UPP2: variants seen among roughly 807,000 people sequenced by gnomAD.
UPP2 encodes the protein UPase 2.
UPP2 carries 23 observed loss-of-function variants against 26.7 expected under a neutral mutation model. That is an observed-to-expected ratio of 0.86 (90% CI 0.62 to 1.22). UPP2 has a LOEUF of 1.22. Among genes scored for constraint, UPP2 ranks in the 50% most tolerant of loss-of-function variants. The pLI is 0.00. For synonymous variants in UPP2, 127 were observed against 141.3 expected, an observed-to-expected ratio of 0.90 and a Z score of 0.72; for missense variants, 387 against 396.7, an observed-to-expected ratio of 0.98 and a Z score of 0.21.
intron 2 of UPP2, among the ~76,000 whole-genome samples, chr2:158,109,822 C>T (rs1401137649): frequency 6.6e-6 from 1 of 152,146 alleles, no homozygotes; most frequent in African/African-American, 2.4e-5. Context: ...TAGAAGTTAT[C>T]TATTCAAATT....
intron 3 of UPP2, among the ~76,000 whole-genome samples, chr2:158,083,865 T>TA (rs1553467788): frequency 1.9e-4 from 23 of 118,758 alleles, no homozygotes; most frequent in Admixed American, 1.3e-3. Context: ...TATATATGTT[T>TA]TTTATATATA....
intron 3 of UPP2, among the ~76,000 whole-genome samples, chr2:158,078,618 A>T (rs932467299): frequency 1.3e-5 from 2 of 152,156 alleles, no homozygotes; most frequent in Non-Finnish European, 2.9e-5. Flanking sequence ...GAAGATGGTT[A>T]CCAGAGGCTG....
At chr2:158,115,977 T>A (rs1177585113) in intron 3 of UPP2, among the ~76,000 whole-genome samples, 1 of 152,186 alleles carries the variant, frequency 6.6e-6, no homozygotes, top group African/African-American at 2.4e-5. Flanking sequence ...CAGGCAGGCA[T>A]GCCAGGGGAC....
chr2:158,071,765 G>A (rs1171015841), intron 3 of UPP2, among the ~76,000 whole-genome samples: 1 of 151,898 alleles, frequency 6.6e-6, no homozygotes, highest in East Asian at 1.9e-4. Context: ...ACCAAGTCCT[G>A]GCAGGATTCA....
rs1338984978 is a variant in UPP2, at chr2:158,121,569, C to G, written c.615C>G (p.Asn205Lys). ...ELFNCSKEIP[N>K]FPTLVGHTMC... Reference sequence around the variant, plus strand: ...TCAACTGTAGCAAAGAAATCCCCAACTTCCCAACCCTCGTTGGACATACAA... The same window carrying G: ...TCAACTGTAGCAAAGAAATCCCCAAGTTCCCAACCCTCGTTGGACATACAA... Residue 205 changes from asparagine (N) to lysine (K), a missense_variant, in exon 5 of 7, where the codon AAC (asparagine) becomes AAG (lysine). Physicochemically the swap from Asn to Lys is moderately conservative, Grantham distance 94. Transcript: ENST00000005756. 7 of 1,613,438 alleles carry G rather than the reference C, an allele frequency of 4.3e-6. No individual in the cohort carries two copies. The highest frequency in any genetic ancestry group is 5.9e-6 in the Non-Finnish European group (7 of 1,179,520).
chr2:158,000,242 T>C (rs545816851), intron 2 of UPP2, among the ~76,000 whole-genome samples: 1 of 152,232 alleles, frequency 6.6e-6, no homozygotes, highest in South Asian at 2.1e-4. Flanking sequence ...CTGCTCCTTC[T>C]GAGTGGCTCT....
chr2:158,125,968 TAA>T (rs1211434567), intron 6 of UPP2, among the ~76,000 whole-genome samples: 1 of 152,182 alleles, frequency 6.6e-6, no homozygotes, highest in Non-Finnish European at 1.5e-5. Context: ...ACCACTTTAT[TAA>T]TAGTTAAACA....
At chr2:158,084,142 C>T (rs1311010409) in intron 3 of UPP2, among the ~76,000 whole-genome samples, 2 of 151,950 alleles carry the variant, frequency 1.3e-5, no homozygotes, top group African/African-American at 4.8e-5. Flanking sequence ...TAAAAGTGCT[C>T]CCTTTTCACC....
intron 3 of UPP2, among the ~76,000 whole-genome samples, chr2:158,038,453 G>A (rs1684036183): frequency 6.6e-6 from 1 of 152,186 alleles, no homozygotes; most frequent in African/African-American, 2.4e-5. Context: ...TGTAGCACAT[G>A]TTTGCTAGTG....
intron 3 of UPP2, among the ~76,000 whole-genome samples, chr2:158,056,784 C>T (rs1029438842): frequency 6.6e-6 from 1 of 152,324 alleles, no homozygotes; most frequent in African/African-American, 2.4e-5. Context: ...AGTTACACTG[C>T]AATGACCTTA....
intron 6 of UPP2, among the ~76,000 whole-genome samples, chr2:158,125,651 A>G (rs375362724): frequency 6.6e-6 from 1 of 152,082 alleles, no homozygotes; most frequent in Non-Finnish European, 1.5e-5. Context: ...AACTCCTGAC[A>G]TCAAGTGATC....
rs1318372072 is a variant in UPP2, at chr2:158,120,808, G to A, written c.455-601G>A. 3.3e-5 allele frequency among the ~76,000 whole-genome samples: 5 copies of A among 151,940 alleles called. 1 individual carries two copies. The highest frequency in any genetic ancestry group is 4.8e-5 in the African/African-American group (2 of 41,410). ...CACCTGAAGAGTGACTTGGTGTGTG[G>A]TGAAAAGGTGGGGGGAGGAGGAGAT... is the stretch of plus-strand genomic sequence containing the variant. On this transcript the variant is annotated intron_variant, in intron 4 of 6. Coordinates refer to ENST00000005756, the MANE Select transcript of UPP2 (RefSeq NM_173355.4).
intron 3 of UPP2, among the ~76,000 whole-genome samples, chr2:158,091,566 T>G (rs762126089): frequency 2.0e-5 from 3 of 152,216 alleles, no homozygotes; most frequent in Non-Finnish European, 4.4e-5. Context: ...GCCACAATAA[T>G]GCTATTGCCA....
intron 3 of UPP2, among the ~76,000 whole-genome samples, chr2:158,066,549 C>T (rs774159113): frequency 1.2e-4 from 18 of 151,994 alleles, no homozygotes; most frequent in Middle Eastern, 3.4e-3. Flanking sequence ...GTAGGGCCTA[C>T]ATAGTGATTT....
chr2:158,110,345 T>A (rs530664467), intron 2 of UPP2, among the ~76,000 whole-genome samples: 1 of 152,370 alleles, frequency 6.6e-6, no homozygotes, highest in East Asian at 1.9e-4. Flanking sequence ...TCATCCTTTT[T>A]ATGGCTGCAT....
chr2:158,019,379 G>T (rs559279065), intron 3 of UPP2, among the ~76,000 whole-genome samples: 3 of 152,076 alleles, frequency 2.0e-5, no homozygotes, highest in African/African-American at 7.2e-5. Context: ...AGGACGGAGC[G>T]GGGAGTAGTA....
intron 2 of UPP2, among the ~76,000 whole-genome samples, chr2:158,107,884 T>C (rs1683229028): frequency 6.6e-6 from 1 of 152,124 alleles, no homozygotes; most frequent in Admixed American, 6.6e-5. Context: ...GTCTTCTCAA[T>C]GTAACCTCTT....
At chr2:158,129,497 T>A (rs1683764916) in intron 6 of UPP2, among the ~76,000 whole-genome samples, 2 of 151,832 alleles carry the variant, frequency 1.3e-5, no homozygotes, top group South Asian at 4.2e-4. Context: ...GTCTAGAGAG[T>A]GTAATTGACC....
chr2:158,063,522 C>A (rs1682385026), intron 3 of UPP2, among the ~76,000 whole-genome samples: 1 of 152,192 alleles, frequency 6.6e-6, no homozygotes, highest in Non-Finnish European at 1.5e-5. Flanking sequence ...CCAGCAACAA[C>A]CATCTCTGCC....
Sources: gnomAD v4.1 joint callset for allele counts (sites outside exome capture counted in the v4.1 genomes callset) on GRCh38, gnomAD v4.1.1 for gene constraint, MANE v1.5 for transcripts, NCBI Gene and HGNC (gene_info 2026-07-23, HGNC 2026-07-21) for gene names.